The following IPO4 variants were observed in gnomAD, a reference collection of about 807,000 sequenced individuals.
IPO4 encodes the protein importin-4.
A neutral mutation model predicts 133.5 loss-of-function variants in IPO4; 91 were observed. That is an observed-to-expected ratio of 0.68 (90% CI 0.58 to 0.81). The LOEUF (loss-of-function observed/expected upper bound fraction) is 0.81. Ranked by LOEUF, IPO4 falls within the 30% of genes least tolerant of loss-of-function variation. The pLI is 0.00. For missense variants in IPO4, 1,279 were observed against 1,386.2 expected (o/e 0.92, Z 1.23); for synonymous variants, 607 against 581.6 (o/e 1.04, Z -0.63).
At chr14:24,185,064 G>A (rs2039199923) in intron 14 of IPO4, 84 bp from the exon 15 acceptor site, 10 of 1,586,312 alleles carry the variant, frequency 6.3e-6, no homozygotes, top group Non-Finnish European at 8.6e-6. Flanking sequence ...ACCTTTTTTT[G>A]GCACCATCAC....
At chr14:24,186,633 G>T (rs1192866329) in intron 9 of IPO4, 75 bp downstream of exon 9, 10 of 1,438,710 alleles carry the variant, frequency 7.0e-6, no homozygotes, top group South Asian at 1.2e-5. Context: ...CCCTGAGATG[G>T]ACCGAAAGCC....
rs1308213867 is a variant in IPO4, at chr14:24,188,741, G to A, written c.47C>T (p.Pro16Leu). ...LEQLLRELLL[P>L]DTERIRRATE... is the part of the protein sequence containing the mutation. ...TACCCGACGGATGCGCTCGGTGTCCGGTAGCAGCAGCTCCCGTAGGAGCTG... is the reference window on the plus strand; with the variant it reads ...TACCCGACGGATGCGCTCGGTGTCCAGTAGCAGCAGCTCCCGTAGGAGCTG... Residue 16 changes from proline (P) to leucine (L), a missense_variant, in exon 1 of 30, where the codon CCG becomes CTG. This residue lies in a region of IPO4 where 695 missense variants were observed against 704.1 expected (regional missense o/e 0.99). Coordinates refer to ENST00000354464, the MANE Select transcript of IPO4 (RefSeq NM_024658.4). 2 of 1,548,744 alleles carry A rather than the reference G, an allele frequency of 1.3e-6. No homozygotes were observed. Among genetic ancestry groups the A allele is most frequent in the East Asian group, 2.3e-5 (1 of 44,078 alleles).
chr14:24,184,614 G>C (rs1426073259), intron 16 of IPO4, 36 bp downstream of exon 16: 8 of 1,507,972 alleles, frequency 5.3e-6, no homozygotes, highest in Non-Finnish European at 7.2e-6. Context: ...GCCCTTTGCT[G>C]GCACTGGGAG....
rs775258052 is a variant in IPO4, at chr14:24,186,781, T to C, written c.767A>G (p.Asn256Ser). Residue 256 changes from asparagine to serine, a missense_variant, in exon 9 of 30, where the codon AAT becomes AGT. This residue lies in a region of IPO4 where 695 missense variants were observed against 704.1 expected (regional missense o/e 0.99). Transcript: ENST00000354464. ...GCGTATCGCATTGCCCAGGGCCACATTTCTAGCTACCTGTCCACAGAATAA... is the reference window on the plus strand; with the variant it reads ...GCGTATCGCATTGCCCAGGGCCACACTTCTAGCTACCTGTCCACAGAATAA... ...VLTFCLEVAR[N>S]VALGNAIRIR... is the part of the protein sequence containing the mutation. The C allele has an allele frequency of 2.1e-5, 34 of 1,614,032 alleles. No individual in the cohort carries two copies. Among genetic ancestry groups the C allele is most frequent in the Non-Finnish European group, 2.8e-5 (33 of 1,180,014 alleles).
In IPO4 at chr14:24,183,631, T is replaced by G; in HGVS notation, c.2022A>C (p.Glu674Asp). The change falls in exon 20 of 30, where the codon GAA becomes GAC. Residue 674 changes from glutamate (E) to aspartate (D), a missense_variant. Physicochemically the swap from Glu to Asp is conservative, Grantham distance 45 (BLOSUM62 2). Coordinates refer to ENST00000354464, the MANE Select transcript of IPO4 (RefSeq NM_024658.4). ...SVENAFFDEK[E>D]DTCAAVGEIS... ...TCTCCCCCACGGCAGCACAGGTGTC[T>G]TCCTTCTCATCGAAGAAGGCATTCT... 2 of 1,614,122 alleles carry G rather than the reference T, an allele frequency of 1.2e-6. No homozygotes were observed. The highest frequency in any genetic ancestry group is 1.7e-6 in the Non-Finnish European group (2 of 1,180,016).
chr14:24,188,463 A>T, intron 2 of IPO4, 40 bp from the exon 3 acceptor site: 3 of 1,609,296 alleles, frequency 1.9e-6, no homozygotes, highest in Non-Finnish European at 2.5e-6. Flanking sequence ...CCGGGCAGGA[A>T]GGTGCTGAGC....
chr14:24,185,323 G>C lies in IPO4; in HGVS notation c.1279-11C>G. ...GCTGCTGATATGGGGCTGGGGGAGG[G>C]AGCAAGCAGGGCCTGAGTCAGGTTC... is the stretch of plus-strand genomic sequence containing the variant. On this transcript the variant is annotated splice_polypyrimidine_tract_variant and intron_variant, in intron 13 of 29. Transcript: ENST00000354464. 3 of 1,614,050 alleles carry C rather than the reference G, an allele frequency of 1.9e-6. No individual in the cohort carries two copies. The highest frequency in any genetic ancestry group is 1.7e-6 in the Non-Finnish European group (2 of 1,179,940).
In IPO4 at chr14:24,188,236, C is replaced by T. The variant is rs746552378; in HGVS notation, c.258G>A (p.Thr86=). The change falls in exon 4 of 30, where the codon ACG becomes ACA. Residue 86 remains threonine (T), a synonymous_variant. Coordinates refer to ENST00000354464, the MANE Select transcript of IPO4 (RefSeq NM_024658.4). ...CTTACTCTGTTTCTCTCTGCAGGGC[C>T]GTCAGGATCAGGGACTTGAGGCTGG... The part of the protein sequence containing the change: ...QRESLKSLIL[T]ALQRETEHCV... 2.1e-5 allele frequency: 34 copies of T among 1,613,446 alleles called. No individual in the cohort carries two copies. The highest frequency in any genetic ancestry group is 1.6e-4 in the Middle Eastern group (1 of 6,084).
In IPO4 at chr14:24,183,447, C is replaced by A. The variant is rs753131171; in HGVS notation, c.2121+9G>T. On this transcript the variant is annotated intron_variant, in intron 21 of 29. Coordinates refer to ENST00000354464, the MANE Select transcript of IPO4 (RefSeq NM_024658.4). ...GAACCCCACCCACTCCACCCGCCGG[C>A]CCGCTCACCTCCAGCAGTTTAAATA... 2 of 1,609,408 alleles carry A rather than the reference C, an allele frequency of 1.2e-6. No homozygotes were observed.
At chr14:24,183,928 C>A (rs1396805276) in intron 18 of IPO4, 30 bp from the exon 19 acceptor site, 1 of 1,613,820 alleles carries the variant, frequency 6.2e-7, no homozygotes. Flanking sequence ...AGGACTTTGG[C>A]TCAGCTGGGC....
rs775320168 is a variant in IPO4, at chr14:24,188,776, G to A, written c.12C>T (p.Ala4=). Residue 4 remains alanine (A), a synonymous_variant, in exon 1 of 30, where the codon GCC becomes GCT. Transcript: ENST00000354464. The stretch of plus-strand genomic sequence containing the variant: ...GCTCCCGTAGGAGCTGCTCTAGCCC[G>A]GCTGACTCCATGGCAGCAACTGAGC... MES[A]GLEQLLRELL... 1.7e-5 allele frequency: 25 copies of A among 1,510,770 alleles called. No individual in the cohort carries two copies. Among genetic ancestry groups the A allele is most frequent in the Non-Finnish European group, 2.0e-5 (23 of 1,131,658 alleles). The allele number at this position is 1,510,770 out of a possible 1,614,324, so 93.6% of individuals were successfully genotyped here.
rs1187294190 is a variant in IPO4, at chr14:24,188,343, C to T, written c.236+1G>A. On this transcript the variant is annotated splice_donor_variant, in intron 3 of 29. Coordinates refer to ENST00000354464, the MANE Select transcript of IPO4 (RefSeq NM_024658.4). LOFTEE classifies it high-confidence loss of function. The stretch of plus-strand genomic sequence containing the variant: ...CCCGCCCCACCCCAGGCCCAGCCCA[C>T]CTCTCCCGTTGCTCCGCCGCCAGCC... 1.2e-6 allele frequency: 2 copies of T among 1,613,680 alleles called. No individual in the cohort carries two copies. The highest frequency in any genetic ancestry group is 1.7e-6 in the Non-Finnish European group (2 of 1,179,882).
chr14:24,187,412 GC>G lies in IPO4; in HGVS notation c.575del (p.Ser192ThrfsTer15). ...RTLTTMAPYLSTEDVPLARML... is the reference protein window; with the variant it reads ...RTLTTMAPYLXTEDVPLARML... Reference sequence around the variant, plus strand: ...GCCCACATCTCACCACATCTTCAGTGCTGAGGTAGGGAGCCATGGTGGTCAG... The same window carrying G: ...GCCCACATCTCACCACATCTTCAGTGTGAGGTAGGGAGCCATGGTGGTCAG... On this transcript the variant is annotated frameshift_variant, in exon 6 of 30. Coordinates refer to ENST00000354464, the MANE Select transcript of IPO4 (RefSeq NM_024658.4). LOFTEE classifies it high-confidence loss of function. 1 of 1,614,162 alleles carries G rather than the reference GC, an allele frequency of 6.2e-7. No individual in the cohort carries two copies. Among genetic ancestry groups the G allele is most frequent in the Non-Finnish European group, 8.5e-7 (1 of 1,180,022 alleles).
Position 24,185,499 on chromosome 14 carries a change from G to A in IPO4, c.1238C>T (p.Ala413Val). The change falls in exon 13 of 30, where the codon GCT becomes GTT. Residue 413 changes from alanine (A) to valine (V), a missense_variant. Ala to Val is a moderately conservative substitution (Grantham distance 64, BLOSUM62 0). Coordinates refer to ENST00000354464, the MANE Select transcript of IPO4 (RefSeq NM_024658.4). ...GAACTGGCCCAGGGCAAACAGCGCA[G>A]CATTGCGTACAACTTGCGAGGGGTC... Reference protein sequence around the residue: ...LEDPSQVVRNAALFALGQFSE... With the variant: ...LEDPSQVVRNVALFALGQFSE... 2 of 1,614,214 alleles carry A rather than the reference G, an allele frequency of 1.2e-6. No homozygotes were observed. Among genetic ancestry groups the A allele is most frequent in the African/African-American group, 1.3e-5 (1 of 75,050 alleles).
In IPO4 at chr14:24,186,422, G is replaced by A. The variant is rs1364585928; in HGVS notation, c.870C>T (p.Pro290=). The A allele has an allele frequency of 6.2e-7, 1 of 1,601,320 alleles. No individual in the cohort carries two copies. ...KALLKNRLLP[P]LLHTLFPIVA... ...CAATGGGGAAAAGGGTGTGCAGCAA[G>A]GGTGGCAGGAGACGATTCTTCAGTA... The change falls in exon 10 of 30, where the codon CCC becomes CCT. Residue 290 remains proline, a synonymous_variant. Transcript: ENST00000354464.
chr14:24,180,852 G>T (rs1465882961), intron 28 of IPO4, 94 bp from the exon 29 acceptor site: 1 of 1,012,222 alleles, frequency 9.9e-7, no homozygotes, highest in East Asian at 2.6e-5. Context: ...TCTCTTATCA[G>T]GGGGGTGGTT....
chr14:24,183,294 A>G lies in IPO4; in HGVS notation c.2183T>C (p.Leu728Pro). 4 of 1,613,672 alleles carry G rather than the reference A, an allele frequency of 2.5e-6. No individual in the cohort carries two copies. Among genetic ancestry groups the G allele is most frequent in the Non-Finnish European group, 3.4e-6 (4 of 1,179,840 alleles). Reference sequence around the variant, plus strand: ...GGGGCAGCTTTGACAGGCCTTGTGCAGTGCACAGCAAAACTGACCCAGAGC... The same window carrying G: ...GGGGCAGCTTTGACAGGCCTTGTGCGGTGCACAGCAAAACTGACCCAGAGC... Reference protein sequence around the residue: ...HEALGQFCCALHKACQSCPSE... With the variant: ...HEALGQFCCAPHKACQSCPSE... Residue 728 changes from leucine to proline, a missense_variant, in exon 22 of 30, where the codon CTG becomes CCG. Leu to Pro is a moderately conservative substitution (Grantham distance 98). Around this residue, in one of 3 missense-constraint regions of IPO4, gnomAD observed 575 missense variants for 653.4 expected, o/e 0.88. Transcript: ENST00000354464.
intron 4 of IPO4, 34 bp downstream of exon 4, chr14:24,188,182 G>T: frequency 6.2e-7 from 1 of 1,606,024 alleles, no homozygotes; most frequent in Non-Finnish European, 8.5e-7. Flanking sequence ...AGACAAAGTC[G>T]TCAAGATCCC....
chr14:24,183,216 C>T, intron 22 of IPO4, 34 bp downstream of exon 22: 1 of 1,611,704 alleles, frequency 6.2e-7, no homozygotes, highest in South Asian at 1.1e-5. Context: ...TGCCCCTCCC[C>T]AAGAACCCCC....
Sources: allele counts gnomAD v4.1 joint callset, GRCh38; gene constraint gnomAD v4.1.1; regional missense constraint gnomAD v4.1.1; transcripts MANE v1.5; gene names NCBI Gene and HGNC (gene_info 2026-07-23, HGNC 2026-07-21).